Variants in TAGLN observed in about 807,000 individuals in gnomAD.
TAGLN encodes the protein 22 kDa actin-binding protein.
TAGLN carries 16 observed loss-of-function variants against 21.9 expected under a neutral mutation model. The observed-to-expected ratio is 0.73, with a 90% CI of 0.49 to 1.11. The LOEUF is 1.11. Among genes scored for constraint, TAGLN ranks in the 50% least tolerant of loss-of-function variants. TAGLN has a pLI of 0.00. For missense variants in TAGLN, 248 were observed against 263.2 expected (o/e 0.94, Z 0.40); for synonymous variants, 96 against 94.9 (o/e 1.01, Z -0.06).
chr11:117,202,103 A>G (rs1399236157), intron 1 of TAGLN: 3 of 152,270 alleles, frequency 2.0e-5, no homozygotes, highest in African/African-American at 7.2e-5. Flanking sequence ...CAGGCTTCCC[A>G]TTCCCTGGCA....
At position 117,203,430 on chromosome 11, in the gene TAGLN, G is replaced by C. The variant is rs2031186215; in HGVS notation, c.304G>C (p.Glu102Gln). ...GGTGGCTCAGTTCCTGAAGGCGGCT[G>C]AGGACTATGGGGTCATCAAGACTGA... ...EQVAQFLKAA[E>Q]DYGVIKTDMF... Residue 102 changes from glutamate to glutamine, a missense_variant, in exon 3 of 5, where the codon GAG becomes CAG. Transcript: ENST00000392951. The surrounding 1 kb of genome is among the most constrained non-coding windows in gnomAD (Gnocchi z 4.4). 6.2e-7 allele frequency: 1 copy of C among 1,614,108 alleles called. No individual in the cohort carries two copies. Among genetic ancestry groups the C allele is most frequent in the South Asian group, 1.1e-5 (1 of 91,092 alleles).
At position 117,206,972 on chromosome 11, in the gene TAGLN, TGGGAAGCACAGCTG is replaced by T. The variant is rs1232803962; in HGVS notation, c.*2617_*2630del. The stretch of plus-strand genomic sequence containing the variant: ...CCATCTACCGGCTTGACGCTGGAAC[TGGGAAGCACAGCTG>T]GGGTTCAGAGGGCGATGGGCTCCCT... On this transcript the variant is annotated 3_prime_UTR_variant, in exon 5 of 5. Transcript: ENST00000392951. 7.0e-7 allele frequency: 1 copy of T among 1,436,208 alleles called. No individual in the cohort carries two copies. The highest frequency in any genetic ancestry group is 9.8e-7 in the Non-Finnish European group (1 of 1,024,372). The allele number at this position is 1,436,208 out of a possible 1,614,324, so 89.0% of individuals were successfully genotyped here.
rs762025150 is a variant in TAGLN, at chr11:117,204,282, C to T, written c.529C>T (p.Leu177Phe). Residue 177 changes from leucine (L) to phenylalanine (F), a missense_variant, in exon 5 of 5, where the codon CTT (leucine) becomes TTT (phenylalanine). Leu to Phe is a conservative substitution (Grantham distance 22). Coordinates refer to ENST00000392951, the MANE Select transcript of TAGLN (RefSeq NM_003186.5). ...GCAGGAGGGAAAGCATGTCATTGGC[C>T]TTCAGATGGGCAGCAACAGAGGGGC... is the stretch of plus-strand genomic sequence containing the variant. ...QLQEGKHVIG[L>F]QMGSNRGASQ... 12 of 1,614,122 alleles carry T rather than the reference C, an allele frequency of 7.4e-6. No homozygotes were observed. The South Asian group carries it at 8.8e-5, about 12-fold the overall frequency.
intron 1 of TAGLN, chr11:117,201,093 A>T (rs1370763872): frequency 6.6e-6 from 1 of 152,292 alleles, no homozygotes; most frequent in Non-Finnish European, 1.5e-5. Context: ...CGGGGGTGGG[A>T]CACACAGGGT....
intron 1 of TAGLN, chr11:117,201,460 C>A (rs369396791): frequency 5.3e-5 from 8 of 152,148 alleles, no homozygotes; most frequent in Non-Finnish European, 1.2e-4. Context: ...AGGGCAGGCT[C>A]TCTCCCTGGT....
chr11:117,203,561 A>C lies in TAGLN; in HGVS notation c.358+77A>C. The C allele has an allele frequency of 1.3e-6, 2 of 1,534,868 alleles. No homozygotes were observed. Among genetic ancestry groups the C allele is most frequent in the Non-Finnish European group, 1.8e-6 (2 of 1,121,496 alleles). On this transcript the variant is annotated intron_variant, in intron 3 of 4. Transcript: ENST00000392951. The surrounding 1 kb of genome is among the most constrained non-coding windows in gnomAD (Gnocchi z 4.4). ...GACAGGGAGAGGGAATGACCAGAAT[A>C]TGCCACAACTAGGGGTGTGCTTGCC...
rs1488406818 is a variant in TAGLN at position 117,204,324 on chromosome 11, A to G, written c.571A>G (p.Thr191Ala). Residue 191 changes from threonine to alanine, a missense_variant, in exon 5 of 5, where the codon ACA becomes GCA. Transcript: ENST00000392951. The stretch of plus-strand genomic sequence containing the variant: ...CAGAGGGGCCTCCCAGGCCGGCATG[A>G]CAGGCTACGGACGACCTCGGCAGAT... Reference protein sequence around the residue: ...SNRGASQAGMTGYGRPRQIIS With the variant: ...SNRGASQAGMAGYGRPRQIIS The G allele has an allele frequency of 6.2e-7, 1 of 1,614,120 alleles. No homozygotes were observed. The highest frequency in any genetic ancestry group is 1.3e-5 in the African/African-American group (1 of 74,938).
chr11:117,202,768 A>G (rs1451837449), intron 1 of TAGLN: 2 of 364,102 alleles, frequency 5.5e-6, no homozygotes, highest in Non-Finnish European at 9.9e-6. Flanking sequence ...TTACAAAAAC[A>G]GTTTACTGAC....
chr11:117,200,967 C>T (rs1264833765), intron 1 of TAGLN, among the ~76,000 whole-genome samples: 1 of 152,068 alleles, frequency 6.6e-6, no homozygotes. Context: ...AAGGCTGAGA[C>T]AGAGGCTGGG....
chr11:117,206,983 G>C lies in TAGLN; in HGVS notation c.*2624G>C, dbSNP rs2031450244. On this transcript the variant is annotated 3_prime_UTR_variant, in exon 5 of 5. Coordinates refer to ENST00000392951, the MANE Select transcript of TAGLN (RefSeq NM_003186.5). ...CTTGACGCTGGAACTGGGAAGCACA[G>C]CTGGGGTTCAGAGGGCGATGGGCTC... The C allele has an allele frequency of 6.8e-6, 10 of 1,474,292 alleles. No individual in the cohort carries two copies. The South Asian group carries it at 1.0e-4, about 15-fold the overall frequency. 91.3% of individuals were successfully genotyped at this position (1,474,292 alleles called of 1,614,324 possible).
chr11:117,204,500 T>G lies in TAGLN; in HGVS notation c.*141T>G. The G allele has an allele frequency of 7.6e-7, 1 of 1,310,796 alleles. No individual in the cohort carries two copies. Among genetic ancestry groups the G allele is most frequent in the Non-Finnish European group, 1.1e-6 (1 of 931,180 alleles). The allele number at this position is 1,310,796 out of a possible 1,614,324, so 81.2% of individuals were successfully genotyped here. ...GGCTCTGTCACTGAGCAATGGTAAC[T>G]GCACCTGGGCAGCTCCTCCCTGTGC... On this transcript the variant is annotated 3_prime_UTR_variant, in exon 5 of 5. Coordinates refer to ENST00000392951, the MANE Select transcript of TAGLN (RefSeq NM_003186.5).
In TAGLN at chr11:117,203,387, C is replaced by A. The variant is rs1367839860; in HGVS notation, c.261C>A (p.Val87=). 2.5e-6 allele frequency: 4 copies of A among 1,614,206 alleles called. No homozygotes were observed. The highest frequency in any genetic ancestry group is 3.4e-6 in the Non-Finnish European group (4 of 1,180,042). The change falls in exon 3 of 5, where the codon GTC becomes GTA. Residue 87 remains valine (V), a synonymous_variant. Transcript: ENST00000392951. This position sits in a 1 kb window ranked among gnomAD's most constrained non-coding sequence, Gnocchi z 4.4. ...TGCCCGAGAACCCACCCTCCATGGT[C>A]TTCAAGCAGATGGAGCAGGTGGCTC... ...VKVPENPPSM[V]FKQMEQVAQF...
Position 117,203,564 on chromosome 11 carries a change from C to T in TAGLN, c.358+80C>T. ...AGGGAGAGGGAATGACCAGAATATG[C>T]CACAACTAGGGGTGTGCTTGCCCGC... On this transcript the variant is annotated intron_variant, in intron 3 of 4. Coordinates refer to ENST00000392951, the MANE Select transcript of TAGLN (RefSeq NM_003186.5). This position sits in a 1 kb window ranked among gnomAD's most constrained non-coding sequence, Gnocchi z 4.4. 1 of 1,522,468 alleles carries T rather than the reference C, an allele frequency of 6.6e-7. No homozygotes were observed. Among genetic ancestry groups the T allele is most frequent in the South Asian group, 1.2e-5 (1 of 84,714 alleles). 94.3% of individuals were successfully genotyped at this position (1,522,468 alleles called of 1,614,324 possible).
intron 4 of TAGLN, 78 bp from the exon 5 acceptor site, chr11:117,204,137 G>A (rs2031228097): frequency 6.3e-7 from 1 of 1,596,132 alleles, no homozygotes; most frequent in Non-Finnish European, 8.6e-7. Context: ...ATTGGGCTAG[G>A]ACGTAACAGA....
rs758137873 is a variant in TAGLN, at chr11:117,204,194, T to C, written c.462-21T>C. On this transcript the variant is annotated intron_variant, in intron 4 of 4. Transcript: ENST00000392951. The stretch of plus-strand genomic sequence containing the variant: ...AACACACAGTTCTACCAAGTCTTTA[T>C]CCTGGTTCCTCCTCTTCTAGGAAAG... 1.4e-5 allele frequency: 23 copies of C among 1,614,062 alleles called. 1 individual carries two copies. In the South Asian group the frequency reaches 2.4e-4, roughly 17 times the overall value.
chr11:117,200,928 G>A (rs2031067356), intron 1 of TAGLN, among the ~76,000 whole-genome samples: 1 of 152,150 alleles, frequency 6.6e-6, no homozygotes, highest in Non-Finnish European at 1.5e-5. Flanking sequence ...AGAGACAGAA[G>A]GTGGATGCCT....
At chr11:117,199,885 C>T (rs1295087802) in intron 1 of TAGLN, 1 of 152,256 alleles carries the variant, frequency 6.6e-6, no homozygotes. Context: ...TCTGGCGGGT[C>T]CCCAGGGCCT....
chr11:117,202,192 A>G (rs1016762772), intron 1 of TAGLN: 2 of 152,254 alleles, frequency 1.3e-5, no homozygotes, highest in African/African-American at 4.8e-5. Flanking sequence ...GGGTAGCCTT[A>G]CGAGAGCGTA....
At position 117,206,349 on chromosome 11, in the gene TAGLN, A is replaced by G. The variant is rs529011587; in HGVS notation, c.*1990A>G. 44 of 1,607,306 alleles carry G rather than the reference A, an allele frequency of 2.7e-5. No individual in the cohort carries two copies. In the Middle Eastern group the frequency reaches 6.6e-4, roughly 24 times the overall value. ...GAAGACGGTGAAACAGCCTACCAGC[A>G]CCAGGGTCTGGGGCCGAGGCAAGCA... On this transcript the variant is annotated 3_prime_UTR_variant, in exon 5 of 5. Coordinates refer to ENST00000392951, the MANE Select transcript of TAGLN (RefSeq NM_003186.5).
Sources: allele counts gnomAD v4.1 joint callset (sites outside exome capture counted in the v4.1 genomes callset), GRCh38; gene constraint gnomAD v4.1.1; non-coding constraint Gnocchi (gnomAD v3.1); transcripts MANE v1.5; gene names NCBI Gene and HGNC (gene_info 2026-07-23, HGNC 2026-07-21).